HLCS: variants seen among roughly 807,000 people sequenced by gnomAD.
HLCS encodes the protein holocarboxylase synthetase.
HLCS carries 53 observed loss-of-function variants against 75.0 expected under a neutral mutation model. The ratio of observed to expected loss-of-function variants is 0.71; its 90% CI spans 0.57 to 0.89. The LOEUF (loss-of-function observed/expected upper bound fraction) is 0.89, where lower values mean the gene tolerates loss of function less well. Ranked by LOEUF, HLCS falls within the 40% of genes least tolerant of loss-of-function variation. The pLI is 0.00. For missense variants in HLCS, 966 were observed against 1,074.0 expected, an observed-to-expected ratio of 0.90 and a Z score of 1.41; for synonymous variants, 431 against 428.6, an observed-to-expected ratio of 1.01 and a Z score of -0.07.
intron 5 of HLCS, among the ~76,000 whole-genome samples, chr21:36,926,892 G>A (rs112277447): frequency 5.9e-5 from 9 of 151,938 alleles, no homozygotes; most frequent in African/African-American, 1.5e-4. Flanking sequence ...ACAGGTATGC[G>A]CCACCATGCC....
intron 5 of HLCS, among the ~76,000 whole-genome samples, chr21:36,899,741 G>T (rs553134035): frequency 1.3e-5 from 2 of 152,358 alleles, no homozygotes; most frequent in East Asian, 3.9e-4. Flanking sequence ...AGGCTCTGAG[G>T]ACGGAGCAAT....
At chr21:36,770,091 G>C (rs2090177684) in intron 6 of HLCS, among the ~76,000 whole-genome samples, 2 of 151,194 alleles carry the variant, frequency 1.3e-5, no homozygotes, top group African/African-American at 4.9e-5. Context: ...GTGGAAGAAA[G>C]GCTTGCATTG....
intron 6 of HLCS, among the ~76,000 whole-genome samples, chr21:36,872,005 T>C (rs990749488): frequency 6.6e-6 from 1 of 152,222 alleles, no homozygotes; most frequent in African/African-American, 2.4e-5. Flanking sequence ...GGTGAAGATG[T>C]AGAGGACCAC....
chr21:36,854,065 A>G (rs971186209), intron 6 of HLCS, among the ~76,000 whole-genome samples: 8 of 152,232 alleles, frequency 5.3e-5, no homozygotes, highest in Non-Finnish European at 2.9e-5. Flanking sequence ...AGAGTCTCAT[A>G]TAACTTTTAA....
chr21:36,816,709 A>G (rs1015900245), intron 6 of HLCS, among the ~76,000 whole-genome samples: 3 of 152,208 alleles, frequency 2.0e-5, no homozygotes, highest in Admixed American at 6.5e-5. Flanking sequence ...TGTTGTAGAT[A>G]TAGAAAATGA....
rs370448987 is a variant in HLCS, at chr21:36,822,178, T to G, written c.1893-54893A>C. 2.0e-5 allele frequency among the ~76,000 whole-genome samples: 3 copies of G among 152,228 alleles called. No individual in the cohort carries two copies. The East Asian group carries it at 5.8e-4, about 29-fold the overall frequency. ...GGCTCACACCTGTAATCCCAGTACT[T>G]TGGGAGGCTGAGGCAGGCGAATCAC... On this transcript the variant is annotated intron_variant, in intron 6 of 10. Transcript: ENST00000674895.
intron 7 of HLCS, among the ~76,000 whole-genome samples, chr21:36,766,670 G>A (rs1261843159): frequency 2.0e-5 from 3 of 152,126 alleles, no homozygotes; most frequent in African/African-American, 4.8e-5. Context: ...GACCCCAGAT[G>A]GGTCTGGGAG....
At chr21:36,796,501 C>T (rs763630425) in intron 6 of HLCS, among the ~76,000 whole-genome samples, 4 of 152,112 alleles carry the variant, frequency 2.6e-5, no homozygotes, top group African/African-American at 9.7e-5. Flanking sequence ...AAGCATTTTA[C>T]AGCAATCTGT....
intron 1 of HLCS, among the ~76,000 whole-genome samples, chr21:36,989,587 G>A (rs1232299442): frequency 6.6e-6 from 1 of 152,042 alleles, no homozygotes; most frequent in African/African-American, 2.4e-5. Flanking sequence ...CCTCGGCCTC[G>A]CGAAGTGCTG....
chr21:36,904,927 GA>G (rs1569172280), intron 5 of HLCS, among the ~76,000 whole-genome samples: 1 of 152,178 alleles, frequency 6.6e-6, no homozygotes, highest in African/African-American at 2.4e-5. Flanking sequence ...CAAGTGGGCT[GA>G]CATATAAGTA....
At chr21:36,868,223 GAGAGAA>G (rs760900939) in intron 6 of HLCS, among the ~76,000 whole-genome samples, 87 of 91,640 alleles carry the variant, frequency 9.5e-4, no homozygotes, top group South Asian at 5.0e-3. Flanking sequence ...GGAAAAAAGA[GAGAGAA>G]AGAGAAAGAG....
chr21:36,964,122 C>T (rs753925810), intron 1 of HLCS, among the ~76,000 whole-genome samples: 22 of 152,028 alleles, frequency 1.4e-4, no homozygotes, highest in Non-Finnish European at 2.6e-4. Context: ...CTACTCAGGA[C>T]GCCAAAGGAG....
At chr21:36,968,765 T>A (rs2068708880), upstream of HLCS, 1 of 152,222 alleles carries the variant, frequency 6.6e-6, no homozygotes, top group Admixed American at 6.5e-5. Flanking sequence ...TTCTTGAAGT[T>A]TGCTGAATTA....
chr21:36,933,152 C>T (rs1222232363), intron 4 of HLCS, among the ~76,000 whole-genome samples: 1 of 152,050 alleles, frequency 6.6e-6, no homozygotes, highest in African/African-American at 2.4e-5. Flanking sequence ...CAGAAAAGGT[C>T]TGCAGGGCAC....
intron 2 of HLCS, among the ~76,000 whole-genome samples, chr21:36,950,536 C>G (rs543430415): frequency 6.6e-6 from 1 of 151,844 alleles, no homozygotes; most frequent in Non-Finnish European, 1.5e-5. Flanking sequence ...ATAGCGCAAT[C>G]AGGACTCATT....
In HLCS at chr21:36,914,749, G is replaced by A. The variant is rs374722407; in HGVS notation, c.1620+15502C>T. Among the ~76,000 whole-genome samples, 251 of 152,320 alleles carry A rather than the reference G, an allele frequency of 1.6e-3. 1 individual carries two copies. Among genetic ancestry groups the A allele is most frequent in the African/African-American group, 5.8e-3 (243 of 41,582 alleles). ...CTCTAACGGCGAGGGCGGCTCTATG[G>A]GGCAGCTCAGCCACTGCCTCCACAA... On this transcript the variant is annotated intron_variant, in intron 5 of 10. Coordinates refer to ENST00000674895, the MANE Select transcript of HLCS (RefSeq NM_001352514.2).
chr21:36,918,795 G>A (rs181160317), intron 5 of HLCS, among the ~76,000 whole-genome samples: 78 of 152,308 alleles, frequency 5.1e-4, no homozygotes, highest in Non-Finnish European at 1.9e-4. Context: ...ATTCAACAAG[G>A]ACACAGAAAT....
At chr21:36,880,796 A>G (rs1309674150) in intron 6 of HLCS, among the ~76,000 whole-genome samples, 8 of 151,562 alleles carry the variant, frequency 5.3e-5, no homozygotes, top group Non-Finnish European at 7.4e-5. Context: ...ATCCAAGACC[A>G]CTCCACATCT....
chr21:36,916,720 C>T (rs2065950065), intron 5 of HLCS, among the ~76,000 whole-genome samples: 1 of 151,990 alleles, frequency 6.6e-6, no homozygotes, highest in African/African-American at 2.4e-5. Flanking sequence ...TACACATGTG[C>T]TTTATAAATG....
Sources: gnomAD v4.1 joint callset for allele counts (sites outside exome capture counted in the v4.1 genomes callset) on GRCh38, gnomAD v4.1.1 for gene constraint, MANE v1.5 for transcripts, NCBI Gene and HGNC (gene_info 2026-07-23, HGNC 2026-07-21) for gene names.